The following SGCZ variants were observed in gnomAD, a reference collection of about 807,000 sequenced individuals.
SGCZ encodes zeta-sarcoglycan.
SGCZ carries 40 observed loss-of-function variants against 41.3 expected under a neutral mutation model. The observed-to-expected ratio is 0.97, with a 90% CI of 0.75 to 1.26. SGCZ has a LOEUF of 1.26. Among genes scored for constraint, SGCZ ranks in the 50% most tolerant of loss-of-function variants. The pLI is 0.00. For synonymous variants in SGCZ, 206 were observed against 137.5 expected (o/e 1.50, Z -3.49); for missense variants, 552 against 369.8 (o/e 1.49, Z -4.04).
At chr8:15,052,474 G>C (rs553083069) in intron 1 of SGCZ, among the ~76,000 whole-genome samples, 1 of 152,114 alleles carries the variant, frequency 6.6e-6, no homozygotes, top group Non-Finnish European at 1.5e-5. Context: ...GGGGAGTAGA[G>C]GGGGATCTGT....
chr8:14,604,806 C>G (rs988114507), intron 1 of SGCZ, among the ~76,000 whole-genome samples: 3 of 152,158 alleles, frequency 2.0e-5, no homozygotes, highest in Non-Finnish European at 4.4e-5. Flanking sequence ...CATGGAAATT[C>G]AAGTCACTGT....
chr8:14,163,231 C>G (rs1159612856), intron 5 of SGCZ, among the ~76,000 whole-genome samples: 2 of 152,050 alleles, frequency 1.3e-5, no homozygotes, highest in African/African-American at 4.8e-5. Flanking sequence ...AAACTTGTGT[C>G]GTGGGGGTTT....
At chr8:14,103,491 A>C (rs999041385) in intron 6 of SGCZ, among the ~76,000 whole-genome samples, 2 of 152,158 alleles carry the variant, frequency 1.3e-5, no homozygotes, top group Non-Finnish European at 2.9e-5. Context: ...TTGTTTTCTG[A>C]GGCAATGAAT....
chr8:15,086,126 TATTTAACAAGAGTGGTAA>T (rs1805940037), intron 1 of SGCZ, among the ~76,000 whole-genome samples: 1 of 152,220 alleles, frequency 6.6e-6, no homozygotes, highest in South Asian at 2.1e-4. Flanking sequence ...TAAAGAATAC[TATTTAACAAGAGTGGTAA>T]ATTTAAAAGG....
intron 5 of SGCZ, among the ~76,000 whole-genome samples, chr8:14,136,667 C>A (rs527347503): frequency 2.0e-5 from 3 of 152,262 alleles, no homozygotes; most frequent in South Asian, 4.1e-4. Context: ...CTGGATGCAG[C>A]CCACCACAGC....
At chr8:14,611,270 A>G (rs1045257937) in intron 1 of SGCZ, among the ~76,000 whole-genome samples, 3 of 152,098 alleles carry the variant, frequency 2.0e-5, no homozygotes, top group African/African-American at 7.2e-5. Context: ...TATCATTTTT[A>G]TTCCCTTTGA....
chr8:15,210,106 C>G (rs1001371466), intron 1 of SGCZ, among the ~76,000 whole-genome samples: 2 of 152,064 alleles, frequency 1.3e-5, no homozygotes, highest in Admixed American at 6.6e-5. Flanking sequence ...GAGGACAAGT[C>G]TTTGGAATCA....
chr8:15,058,199 T>C (rs748973405), intron 1 of SGCZ, among the ~76,000 whole-genome samples: 1 of 152,172 alleles, frequency 6.6e-6, no homozygotes, highest in Admixed American at 6.5e-5. Context: ...TCTCAATAAG[T>C]CTTTTTTTAA....
chr8:14,199,481 T>C (rs1468235312), intron 4 of SGCZ, among the ~76,000 whole-genome samples: 1 of 152,186 alleles, frequency 6.6e-6, no homozygotes, highest in Admixed American at 6.5e-5. Context: ...TGCCTTGTGA[T>C]ATTTTATTAC....
rs61237091 is a variant in SGCZ, at chr8:15,186,262, CAAAAAAAAAAAAAAA to C, written c.39+51308_39+51322del. Among the ~76,000 whole-genome samples the C allele has an allele frequency of 8.5e-4, 69 of 80,702 alleles. No individual in the cohort carries two copies. The East Asian group carries it at 0.017, about 20-fold the overall frequency. 52.9% of individuals were successfully genotyped at this position (80,702 alleles called of 152,430 possible). The stretch of plus-strand genomic sequence containing the variant: ...GGGCAACAGAGGGAAGATTCCGTAC[CAAAAAAAAAAAAAAA>C]AAAAAAAAAAAAAAAAAAAAAAAGT... On this transcript the variant is annotated intron_variant, in intron 1 of 7. Coordinates refer to ENST00000382080, the MANE Select transcript of SGCZ (RefSeq NM_139167.4).
At chr8:14,144,547 A>G (rs1803465452) in intron 5 of SGCZ, among the ~76,000 whole-genome samples, 1 of 152,220 alleles carries the variant, frequency 6.6e-6, no homozygotes, top group Non-Finnish European at 1.5e-5. Context: ...TCAGTACTTT[A>G]CCAGCTGTGT....
chr8:15,137,405 G>A (rs1808153238), intron 1 of SGCZ, among the ~76,000 whole-genome samples: 1 of 152,184 alleles, frequency 6.6e-6, no homozygotes, highest in Non-Finnish European at 1.5e-5. Context: ...AAGTAACAAG[G>A]AGCAGAATGT....
At chr8:14,817,086 G>T (rs1337294734) in intron 1 of SGCZ, among the ~76,000 whole-genome samples, 1 of 152,182 alleles carries the variant, frequency 6.6e-6, no homozygotes, top group East Asian at 1.9e-4. Context: ...ACACTATTTT[G>T]GTTCATCTCC....
chr8:14,988,863 G>A (rs1333933326), intron 1 of SGCZ, among the ~76,000 whole-genome samples: 1 of 152,124 alleles, frequency 6.6e-6, no homozygotes, highest in African/African-American at 2.4e-5. Flanking sequence ...GATATTTAAA[G>A]TTGCCCCACT....
intron 3 of SGCZ, among the ~76,000 whole-genome samples, chr8:14,261,356 C>T (rs1799659005): frequency 6.6e-6 from 1 of 152,064 alleles, no homozygotes; most frequent in South Asian, 2.1e-4. Context: ...ACAAAAAATT[C>T]AGCGTAGGTT....
At chr8:14,957,580 T>C (rs531207347) in intron 1 of SGCZ, among the ~76,000 whole-genome samples, 1 of 152,068 alleles carries the variant, frequency 6.6e-6, no homozygotes, top group Non-Finnish European at 1.5e-5. Flanking sequence ...ACTAGCTTAC[T>C]TGTCATGTTT....
At chr8:14,582,517 T>C (rs936919930) in intron 1 of SGCZ, among the ~76,000 whole-genome samples, 2 of 152,184 alleles carry the variant, frequency 1.3e-5, no homozygotes. Context: ...AAATTTATTT[T>C]ATTATTATCA....
intron 1 of SGCZ, among the ~76,000 whole-genome samples, chr8:14,610,275 T>G (rs1221068875): frequency 1.3e-5 from 2 of 152,148 alleles, no homozygotes; most frequent in African/African-American, 4.8e-5. Flanking sequence ...GTCTCCCCCT[T>G]TTCTCCCTGA....
intron 4 of SGCZ, among the ~76,000 whole-genome samples, chr8:14,179,225 T>C (rs1282540975): frequency 6.6e-6 from 1 of 152,194 alleles, no homozygotes; most frequent in Non-Finnish European, 1.5e-5. Flanking sequence ...CCAGATGGCA[T>C]CTAGAGAATG....
Sources: gnomAD v4.1 joint callset for allele counts (sites outside exome capture counted in the v4.1 genomes callset) on GRCh38, gnomAD v4.1.1 for gene constraint, MANE v1.5 for transcripts, NCBI Gene and HGNC (gene_info 2026-07-23, HGNC 2026-07-21) for gene names.